MAGI1: variants seen among roughly 807,000 people sequenced by gnomAD.
MAGI1 encodes the protein membrane-associated guanylate kinase, WW and PDZ domain-containing protein 1.
In MAGI1, 58 loss-of-function variants were observed where a neutral mutation model predicts 139.9. The ratio of observed to expected loss-of-function variants is 0.41; its 90% CI spans 0.34 to 0.52. The LOEUF is 0.52. Ranked by LOEUF, MAGI1 falls within the 20% of genes least tolerant of loss-of-function variation. The probability of loss-of-function intolerance (pLI) is 0.12; values close to 1 mark genes in which losing one functional copy is unlikely to be tolerated. For synonymous variants in MAGI1, 812 were observed against 737.9 expected (o/e 1.10, Z -1.63); for missense variants, 1,874 against 1,901.6 (o/e 0.99, Z 0.27).
chr3:65,465,436 A>G (rs1950107313), intron 5 of MAGI1, among the ~76,000 whole-genome samples: 1 of 151,756 alleles, frequency 6.6e-6, no homozygotes, highest in African/African-American at 2.4e-5. Flanking sequence ...CTGGCAGCAA[A>G]TTTTCTTAGT....
intron 1 of MAGI1, among the ~76,000 whole-genome samples, chr3:65,828,507 G>A (rs1379901520): frequency 6.6e-6 from 1 of 152,134 alleles, no homozygotes; most frequent in African/African-American, 2.4e-5. Flanking sequence ...TGAAAGAAAA[G>A]GAATGAGCCC....
chr3:66,034,212 A>G (rs1162293763), intron 1 of MAGI1, among the ~76,000 whole-genome samples: 1 of 128,070 alleles, frequency 7.8e-6, no homozygotes, highest in Non-Finnish European at 1.6e-5. Context: ...GGTGGGGCCC[A>G]GGAATCTGGA....
At chr3:65,454,845 G>A (rs189394623) in intron 5 of MAGI1, among the ~76,000 whole-genome samples, 1 of 151,996 alleles carries the variant, frequency 6.6e-6, no homozygotes, top group East Asian at 1.9e-4. Context: ...TCACCACCAC[G>A]TATGACTGCC....
chr3:65,923,393 C>G (rs927991581), intron 1 of MAGI1, among the ~76,000 whole-genome samples: 2 of 151,690 alleles, frequency 1.3e-5, no homozygotes, highest in African/African-American at 4.8e-5. Context: ...GCCCAGCTAA[C>G]TTTTTGTATT....
chr3:65,676,328 A>C (rs1351156023), intron 1 of MAGI1, among the ~76,000 whole-genome samples: 6 of 152,188 alleles, frequency 3.9e-5, no homozygotes, highest in African/African-American at 1.2e-4. Context: ...ATGTACACAC[A>C]CGTGTCTCTA....
At chr3:65,493,108 A>T (rs1480140652) in intron 3 of MAGI1, among the ~76,000 whole-genome samples, 1 of 151,688 alleles carries the variant, frequency 6.6e-6, no homozygotes, top group Non-Finnish European at 1.5e-5. Flanking sequence ...TTGCTTTATG[A>T]ATCACATAAA....
intron 5 of MAGI1, among the ~76,000 whole-genome samples, chr3:65,460,308 C>CT (rs1435769107): frequency 6.6e-6 from 1 of 151,960 alleles, no homozygotes; most frequent in Non-Finnish European, 1.5e-5. Context: ...GCATTTATGC[C>CT]TTTTTTGTAC....
chr3:65,377,780 G>A (rs1214537976), intron 17 of MAGI1, among the ~76,000 whole-genome samples: 1 of 152,172 alleles, frequency 6.6e-6, no homozygotes, highest in African/African-American at 2.4e-5. Context: ...AGCTCAAAAA[G>A]CACTGTTAGT....
intron 18 of MAGI1, among the ~76,000 whole-genome samples, chr3:65,375,037 A>G (rs1321925311): frequency 6.6e-6 from 1 of 152,182 alleles, no homozygotes; most frequent in Non-Finnish European, 1.5e-5. Context: ...AATTGCCACC[A>G]TGCAGGTTTT....
At position 65,708,491 on chromosome 3, in the gene MAGI1, C is replaced by G. The variant is rs924462115; in HGVS notation, c.314-86403G>C. On this transcript the variant is annotated intron_variant, in intron 1 of 22. Coordinates refer to ENST00000402939, the MANE Select transcript of MAGI1 (RefSeq NM_001033057.2). The stretch of plus-strand genomic sequence containing the variant: ...TGGGAGATGCCACTGCCTCACTTAA[C>G]TCAGAACATCTCTTTCTTTTGAAAC... 2.0e-5 allele frequency among the ~76,000 whole-genome samples: 3 copies of G among 152,144 alleles called. No individual in the cohort carries two copies. In the East Asian group the frequency reaches 5.8e-4, roughly 29 times the overall value.
intron 1 of MAGI1, among the ~76,000 whole-genome samples, chr3:65,821,772 TC>T (rs1486679931): frequency 6.6e-6 from 1 of 152,156 alleles, no homozygotes; most frequent in African/African-American, 2.4e-5. Context: ...CCCTAGGACT[TC>T]ACATATTCAG....
chr3:65,535,212 G>A (rs753030038), intron 2 of MAGI1, among the ~76,000 whole-genome samples: 1 of 152,136 alleles, frequency 6.6e-6, no homozygotes, highest in South Asian at 2.1e-4. Context: ...TCTAATACCA[G>A]CTCATTAAAA....
At chr3:65,877,980 G>A (rs759159029) in intron 1 of MAGI1, among the ~76,000 whole-genome samples, 9 of 151,844 alleles carry the variant, frequency 5.9e-5, no homozygotes, top group Non-Finnish European at 1.0e-4. Context: ...GCACAGTGGC[G>A]CACACCTGTG....
At chr3:65,674,802 A>G (rs1269137371) in intron 1 of MAGI1, among the ~76,000 whole-genome samples, 3 of 152,164 alleles carry the variant, frequency 2.0e-5, no homozygotes, top group African/African-American at 7.2e-5. Context: ...CTACAGCAAA[A>G]GCTTCAAGGG....
Position 65,991,912 on chromosome 3 carries a change from G to A in MAGI1, c.313+46084C>T, listed in dbSNP as rs1250263163. The stretch of plus-strand genomic sequence containing the variant: ...CACCTGTAATGCCAGCTACTCGGGA[G>A]GCTGAGGCAGGAGAATTGCCTGAAC... On this transcript the variant is annotated intron_variant, in intron 1 of 22. Transcript: ENST00000402939. Among the ~76,000 whole-genome samples, 8 of 152,264 alleles carry A rather than the reference G, an allele frequency of 5.3e-5. No homozygotes were observed. The East Asian group carries it at 7.7e-4, about 15-fold the overall frequency.
intron 1 of MAGI1, among the ~76,000 whole-genome samples, chr3:65,639,028 C>A (rs187711609): frequency 8.8e-4 from 134 of 152,342 alleles, no homozygotes; most frequent in African/African-American, 3.1e-3. Context: ...GGTTTACAGG[C>A]ATGAGCCACT....
intron 1 of MAGI1, among the ~76,000 whole-genome samples, chr3:65,782,402 C>A (rs1263976055): frequency 6.6e-6 from 1 of 152,056 alleles, no homozygotes; most frequent in Non-Finnish European, 1.5e-5. Flanking sequence ...GAAGGGAACA[C>A]AGCCCTGTGA....
In MAGI1 at chr3:65,687,277, G is replaced by A. The variant is rs1047845393; in HGVS notation, c.314-65189C>T. 8 of 194,966 alleles carry A rather than the reference G, an allele frequency of 4.1e-5. No individual in the cohort carries two copies. The South Asian group carries it at 8.4e-4, about 20-fold the overall frequency. The allele number at this position is 194,966 out of a possible 1,614,324, so 12.1% of individuals were successfully genotyped here. On this transcript the variant is annotated intron_variant, in intron 1 of 22. Coordinates refer to ENST00000402939, the MANE Select transcript of MAGI1 (RefSeq NM_001033057.2). The stretch of plus-strand genomic sequence containing the variant: ...AGGGGAGGAAGGGGTGATTGATGCG[G>A]CTTCCATTTGGAATTTAAGGCACCA...
chr3:65,376,650 C>T (rs1393563074), intron 17 of MAGI1, among the ~76,000 whole-genome samples: 6 of 152,142 alleles, frequency 3.9e-5, no homozygotes, highest in African/African-American at 7.2e-5. Context: ...GCTTTCAGAG[C>T]GTGGCCTGAC....
Sources: allele counts gnomAD v4.1 joint callset (sites outside exome capture counted in the v4.1 genomes callset), GRCh38; gene constraint gnomAD v4.1.1; transcripts MANE v1.5; gene names NCBI Gene and HGNC (gene_info 2026-07-23, HGNC 2026-07-21).